CSMD1: variants seen among roughly 807,000 people sequenced by gnomAD.
The protein encoded by CSMD1 is CUB and Sushi multiple domains 1.
CSMD1 carries 213 observed loss-of-function variants against 417.5 expected under a neutral mutation model. The ratio of observed to expected loss-of-function variants is 0.51; its 90% CI spans 0.46 to 0.57. The LOEUF is 0.57. Ranked by LOEUF, CSMD1 falls within the 20% of genes least tolerant of loss-of-function variation. CSMD1 has a pLI of 0.00. For missense variants in CSMD1, 6,923 were observed against 4,529.7 expected (o/e 1.53, Z -15.17); for synonymous variants, 2,862 against 1,736.8 (o/e 1.65, Z -16.11).
At chr8:3,399,301 G>T in intron 16 of CSMD1, 90 bp downstream of exon 16, 1 of 1,257,718 alleles carries the variant, frequency 8.0e-7, no homozygotes, top group Non-Finnish European at 1.1e-6. Context: ...GAAAAAAACT[G>T]CCATCTTTTT....
chr8:4,355,811 G>T (rs76058755), intron 3 of CSMD1, among the ~76,000 whole-genome samples: 1 of 152,256 alleles, frequency 6.6e-6, no homozygotes, highest in Middle Eastern at 3.4e-3. Flanking sequence ...CTGCTGTTTG[G>T]AAGTGAAGAT....
chr8:4,650,454 C>T (rs1004269178), intron 1 of CSMD1, among the ~76,000 whole-genome samples: 1 of 151,590 alleles, frequency 6.6e-6, no homozygotes, highest in Non-Finnish European at 1.5e-5. Flanking sequence ...TTTGTATGGC[C>T]TTTCAACTTT....
At position 4,979,620 on chromosome 8, in the gene CSMD1, C is replaced by G. The variant is rs926404867; in HGVS notation, c.85+14712G>C. ...TTAAGAAATCTAAAAATGCAATTGTCTAATTGTTCTAATTGGAGCAGTCCT... is the reference window on the plus strand; with the variant it reads ...TTAAGAAATCTAAAAATGCAATTGTGTAATTGTTCTAATTGGAGCAGTCCT... On this transcript the variant is annotated intron_variant, in intron 1 of 69. Coordinates refer to ENST00000635120, the MANE Select transcript of CSMD1 (RefSeq NM_033225.6). Among the ~76,000 whole-genome samples the G allele has an allele frequency of 2.6e-5, 4 of 152,306 alleles. No individual in the cohort carries two copies. In the East Asian group the frequency reaches 7.7e-4, roughly 29 times the overall value.
intron 3 of CSMD1, among the ~76,000 whole-genome samples, chr8:4,142,452 C>T (rs1803847978): frequency 1.3e-5 from 2 of 151,148 alleles, no homozygotes; most frequent in Admixed American, 6.6e-5. Flanking sequence ...CCCTCTACTC[C>T]TCTGAGAATA....
At chr8:4,088,159 C>G (rs373280625) in intron 3 of CSMD1, among the ~76,000 whole-genome samples, 3 of 152,206 alleles carry the variant, frequency 2.0e-5, no homozygotes, top group East Asian at 1.9e-4. Flanking sequence ...TCAGTAAAGA[C>G]ATGAATATTC....
At chr8:4,133,295 T>C (rs1037306443) in intron 3 of CSMD1, among the ~76,000 whole-genome samples, 1 of 152,186 alleles carries the variant, frequency 6.6e-6, no homozygotes. Context: ...TGCTTAAAAG[T>C]CTAAGTTTAT....
At chr8:4,201,645 C>T (rs962641427) in intron 3 of CSMD1, among the ~76,000 whole-genome samples, 3 of 150,212 alleles carry the variant, frequency 2.0e-5, no homozygotes, top group African/African-American at 4.9e-5. Context: ...CTTTATTTAC[C>T]CTTGACCAAA....
intron 36 of CSMD1, among the ~76,000 whole-genome samples, chr8:3,185,782 T>C: frequency 6.6e-6 from 1 of 152,340 alleles, no homozygotes; most frequent in African/African-American, 2.4e-5. Context: ...AGGTAGGTGC[T>C]AGGAATTGTG....
At chr8:4,788,943 T>C (rs564176916) in intron 1 of CSMD1, among the ~76,000 whole-genome samples, 1 of 152,184 alleles carries the variant, frequency 6.6e-6, no homozygotes, top group Non-Finnish European at 1.5e-5. Flanking sequence ...AGACTGTAGA[T>C]GCAGAGTTCT....
intron 8 of CSMD1, among the ~76,000 whole-genome samples, chr8:3,593,759 A>G (rs1021014112): frequency 1.3e-5 from 2 of 152,152 alleles, no homozygotes; most frequent in East Asian, 1.9e-4. Context: ...ATTTTAACTT[A>G]CTTTGCAAAT....
intron 3 of CSMD1, among the ~76,000 whole-genome samples, chr8:4,348,858 T>G (rs537276860): frequency 6.6e-6 from 1 of 152,304 alleles, no homozygotes; most frequent in South Asian, 2.1e-4. Context: ...AACATGCTCT[T>G]AGTTCATCTA....
rs890302166 is a variant in CSMD1, at chr8:4,555,546, C to A, written c.302+81796G>T. Among the ~76,000 whole-genome samples, 4 of 152,150 alleles carry A rather than the reference C, an allele frequency of 2.6e-5. No individual in the cohort carries two copies. In the East Asian group the frequency reaches 5.8e-4, roughly 22 times the overall value. ...TCCATCTGCATCCCAGTTCCTTTTT[C>A]CTGTTACAATTGCCTCCAGGAAGGA... On this transcript the variant is annotated intron_variant, in intron 2 of 69. Transcript: ENST00000635120.
At chr8:3,740,384 T>A (rs1358672117) in intron 6 of CSMD1, among the ~76,000 whole-genome samples, 3 of 152,202 alleles carry the variant, frequency 2.0e-5, no homozygotes, top group Non-Finnish European at 2.9e-5. Flanking sequence ...ATTTAAAGAA[T>A]AACTGATGAT....
At chr8:3,828,437 A>G (rs2129086275) in intron 5 of CSMD1, among the ~76,000 whole-genome samples, 1 of 152,292 alleles carries the variant, frequency 6.6e-6, no homozygotes, top group East Asian at 1.9e-4. Flanking sequence ...TTGGAATACA[A>G]AAAGAATAAA....
At chr8:4,709,199 A>G (rs1292412970) in intron 1 of CSMD1, among the ~76,000 whole-genome samples, 2 of 152,142 alleles carry the variant, frequency 1.3e-5, no homozygotes, top group Admixed American at 1.3e-4. Flanking sequence ...ATCGAGAGAG[A>G]GGAATTCCTC....
chr8:3,696,846 T>C (rs577360113), intron 7 of CSMD1, among the ~76,000 whole-genome samples: 2 of 152,334 alleles, frequency 1.3e-5, no homozygotes, highest in African/African-American at 4.8e-5. Context: ...ATAGTTTAAA[T>C]TCCCTTATTT....
rs1047575429 is a variant in CSMD1, at chr8:4,708,322, C to G, written c.86-70764G>C. Among the ~76,000 whole-genome samples, 7 of 152,100 alleles carry G rather than the reference C, an allele frequency of 4.6e-5. No individual in the cohort carries two copies. The South Asian group carries it at 1.0e-3, about 23-fold the overall frequency. ...ACATAGACATGCATTTTCTCTCTCC[C>G]TAGGTGGAATGTAAGCTCCGTGAAC... On this transcript the variant is annotated intron_variant, in intron 1 of 69. Transcript: ENST00000635120.
chr8:3,592,966 C>G (rs1800922983), intron 8 of CSMD1, among the ~76,000 whole-genome samples: 1 of 152,210 alleles, frequency 6.6e-6, no homozygotes, highest in Admixed American at 6.5e-5. Flanking sequence ...TGGCCTGGCC[C>G]TCCCCGCAGG....
At chr8:4,948,850 A>G (rs1008887128) in intron 1 of CSMD1, among the ~76,000 whole-genome samples, 1 of 152,106 alleles carries the variant, frequency 6.6e-6, no homozygotes, top group Non-Finnish European at 1.5e-5. Flanking sequence ...AGAAAAGGTT[A>G]TGGTGTGAAT....
Sources: allele counts gnomAD v4.1 joint callset (sites outside exome capture counted in the v4.1 genomes callset), GRCh38; gene constraint gnomAD v4.1.1; transcripts MANE v1.5; gene names NCBI Gene and HGNC (gene_info 2026-07-23, HGNC 2026-07-21).